The following ANTXR1 variants were observed in gnomAD, a reference collection of about 807,000 sequenced individuals.
The protein encoded by ANTXR1 is ANTXR cell adhesion molecule 1.
A neutral mutation model predicts 78.1 loss-of-function variants in ANTXR1; 19 were observed. The observed-to-expected ratio is 0.24, with a 90% confidence interval of 0.17 to 0.36. The LOEUF is 0.36. ANTXR1 is among the 10% of genes least tolerant of loss of function. The pLI is 1.00. For synonymous variants in ANTXR1, 273 were observed against 260.5 expected (o/e 1.05, Z -0.46); for missense variants, 518 against 718.6 (o/e 0.72, Z 3.19).
At chr2:69,049,759 T>A (rs1669876129) in intron 3 of ANTXR1, among the ~76,000 whole-genome samples, 1 of 152,224 alleles carries the variant, frequency 6.6e-6, no homozygotes, top group Admixed American at 6.5e-5. Flanking sequence ...TTCCTGTGTA[T>A]CTTCTTACAT....
At chr2:69,152,025 T>C in intron 12 of ANTXR1, 144 bp from the exon 13 acceptor site, 1 of 798,004 alleles carries the variant, frequency 1.3e-6, no homozygotes, top group South Asian at 1.4e-5. Flanking sequence ...AGCCCCAGAA[T>C]GATGGGCAGA....
At chr2:69,138,208 G>A (rs1225566069) in intron 12 of ANTXR1, among the ~76,000 whole-genome samples, 1 of 152,128 alleles carries the variant, frequency 6.6e-6, no homozygotes, top group African/African-American at 2.4e-5. Flanking sequence ...ATAGTTTGGG[G>A]AAAAGGACCA....
intron 17 of ANTXR1, among the ~76,000 whole-genome samples, chr2:69,215,100 A>G (rs2104503198): frequency 6.6e-6 from 1 of 152,300 alleles, no homozygotes; most frequent in Admixed American, 6.5e-5. Flanking sequence ...ATCCTGCTGC[A>G]CAGGCTGCCT....
intron 12 of ANTXR1, chr2:69,145,342 C>T: frequency 6.3e-7 from 1 of 1,598,464 alleles, no homozygotes; most frequent in Non-Finnish European, 8.5e-7. Flanking sequence ...CACAAAATTG[C>T]ATCAGGCCCC....
At chr2:69,240,699 A>G (rs1675874997) in intron 17 of ANTXR1, among the ~76,000 whole-genome samples, 1 of 152,266 alleles carries the variant, frequency 6.6e-6, no homozygotes, top group Non-Finnish European at 1.5e-5. Context: ...ATTCAGGAAT[A>G]CAGTATAAAG....
At chr2:69,106,723 G>A (rs1671819112) in intron 10 of ANTXR1, among the ~76,000 whole-genome samples, 1 of 152,178 alleles carries the variant, frequency 6.6e-6, no homozygotes, top group Non-Finnish European at 1.5e-5. Context: ...GCCCTACAGA[G>A]GCCATGCACC....
intron 17 of ANTXR1, among the ~76,000 whole-genome samples, chr2:69,238,947 A>G (rs937504958): frequency 6.6e-6 from 1 of 152,160 alleles, no homozygotes; most frequent in African/African-American, 2.4e-5. Context: ...CAGATGTCTC[A>G]TAACACAGCA....
intron 13 of ANTXR1, among the ~76,000 whole-genome samples, chr2:69,166,135 T>C (rs1439911883): frequency 6.6e-6 from 1 of 152,112 alleles, no homozygotes; most frequent in South Asian, 2.1e-4. Context: ...AACTCAGGAG[T>C]GCACATAAAA....
chr2:69,134,085 G>A lies in ANTXR1; in HGVS notation c.951+9442G>A, dbSNP rs1044803010. 7.2e-5 allele frequency among the ~76,000 whole-genome samples: 11 copies of A among 152,264 alleles called. No individual in the cohort carries two copies. In the South Asian group the frequency reaches 1.9e-3, roughly 26 times the overall value. On this transcript the variant is annotated intron_variant, in intron 12 of 17. Coordinates refer to ENST00000303714, the MANE Select transcript of ANTXR1 (RefSeq NM_032208.3). ...AAGCCTCTGACTTCTGGTTGAATTA[G>A]CAGAAGTATAGTATCTGAAACTAAG...
intron 12 of ANTXR1, among the ~76,000 whole-genome samples, chr2:69,127,645 G>T (rs1162981892): frequency 6.6e-6 from 1 of 152,146 alleles, no homozygotes; most frequent in Non-Finnish European, 1.5e-5. Flanking sequence ...CAGGCAAAAG[G>T]TGATGATGGG....
intron 1 of ANTXR1, among the ~76,000 whole-genome samples, chr2:69,029,753 C>A (rs1449904304): frequency 6.6e-6 from 1 of 151,550 alleles, no homozygotes; most frequent in African/African-American, 2.4e-5. Context: ...GAAAAAATTA[C>A]CTAAAAATAT....
chr2:69,172,227 A>C, intron 14 of ANTXR1: 1 of 683,058 alleles, frequency 1.5e-6, no homozygotes, highest in African/African-American at 1.8e-5. Context: ...AAACTACCCA[A>C]ACTGGAGACC....
At chr2:69,082,120 G>C (rs1670915546) in intron 8 of ANTXR1, among the ~76,000 whole-genome samples, 1 of 152,216 alleles carries the variant, frequency 6.6e-6, no homozygotes, top group South Asian at 2.1e-4. Flanking sequence ...TGGCTTGACA[G>C]AGGCAAGACC....
chr2:69,116,239 C>A (rs998988002), intron 10 of ANTXR1, among the ~76,000 whole-genome samples: 1 of 152,060 alleles, frequency 6.6e-6, no homozygotes, highest in Non-Finnish European at 1.5e-5. Flanking sequence ...TGTAATAAGA[C>A]CCCCCTAACA....
chr2:69,023,232 T>G (rs1671245262), intron 1 of ANTXR1, among the ~76,000 whole-genome samples: 1 of 152,208 alleles, frequency 6.6e-6, no homozygotes, highest in African/African-American at 2.4e-5. Flanking sequence ...AATTAACCAT[T>G]TGGCACATGA....
chr2:69,185,732 G>T (rs1674399662), intron 16 of ANTXR1, among the ~76,000 whole-genome samples: 1 of 152,038 alleles, frequency 6.6e-6, no homozygotes, highest in African/African-American at 2.4e-5. Flanking sequence ...GTTCACACTG[G>T]GTCCATTTTT....
chr2:69,173,383 G>C (rs193150116), intron 14 of ANTXR1, among the ~76,000 whole-genome samples: 44 of 152,238 alleles, frequency 2.9e-4, no homozygotes, highest in Non-Finnish European at 5.6e-4. Context: ...TCCCAATAGG[G>C]GAAAATACTT....
At chr2:69,219,152 T>C (rs1000573864) in intron 17 of ANTXR1, among the ~76,000 whole-genome samples, 1 of 152,134 alleles carries the variant, frequency 6.6e-6, no homozygotes, top group Non-Finnish European at 1.5e-5. Context: ...CAGCCTCTTC[T>C]TGGGAGGCAG....
chr2:69,245,769 G>A lies in ANTXR1; in HGVS notation c.*284G>A. The A allele has an allele frequency of 2.5e-6, 1 of 403,392 alleles. No homozygotes were observed. The highest frequency in any genetic ancestry group is 5.0e-5 in the East Asian group (1 of 19,990). The allele number at this position is 403,392 out of a possible 1,614,324, so 25.0% of individuals were successfully genotyped here. ...GTGAAACTGCAAGATGCTCTCAACAGGATTATGTCTCATGGAGACCAGTAA... is the reference window on the plus strand; with the variant it reads ...GTGAAACTGCAAGATGCTCTCAACAAGATTATGTCTCATGGAGACCAGTAA... On this transcript the variant is annotated 3_prime_UTR_variant, in exon 18 of 18. Transcript: ENST00000303714.
Sources: gnomAD v4.1 joint callset for allele counts (sites outside exome capture counted in the v4.1 genomes callset) on GRCh38, gnomAD v4.1.1 for gene constraint, MANE v1.5 for transcripts, NCBI Gene and HGNC (gene_info 2026-07-23, HGNC 2026-07-21) for gene names.